RRP1: variants seen among roughly 807,000 people sequenced by gnomAD.
The protein encoded by RRP1 is ribosomal RNA processing 1.
In RRP1, 37 loss-of-function variants were observed where a neutral mutation model predicts 54.6. That is an observed-to-expected ratio of 0.68 (90% CI 0.52 to 0.89). The LOEUF is 0.89. Ranked by LOEUF, RRP1 falls within the 40% of genes least tolerant of loss-of-function variation. The pLI is 0.00. For missense variants in RRP1, 639 were observed against 612.5 expected, an observed-to-expected ratio of 1.04 and a Z score of -0.46; for synonymous variants, 262 against 244.3, an observed-to-expected ratio of 1.07 and a Z score of -0.67.
intron 2 of RRP1, 92 bp downstream of exon 2, chr21:43,791,524 C>T (rs76649170): frequency 1.8e-5 from 21 of 1,167,776 alleles, no homozygotes; most frequent in East Asian, 1.2e-4. Context: ...TTTTTTAAGT[C>T]GGAGTTTCGC....
chr21:43,797,941 T>A lies in RRP1; in HGVS notation c.652T>A (p.Phe218Ile). Reference sequence around the variant, plus strand: ...TTTGAACAACATCACTCGAGGCATCTTTGAGACGATTGTGGAGCAGGCCCC... The same window carrying A: ...TTTGAACAACATCACTCGAGGCATCATTGAGACGATTGTGGAGCAGGCCCC... ...LVLNNITRGI[F>I]ETIVEQAPLA... is the part of the protein sequence containing the mutation. The change falls in exon 8 of 13, where the codon TTT (phenylalanine) becomes ATT (isoleucine). Residue 218 changes from phenylalanine (F) to isoleucine (I), a missense_variant. By Grantham distance (21) the Phe-to-Ile change is conservative. Coordinates refer to ENST00000497547, the MANE Select transcript of RRP1 (RefSeq NM_003683.6). The A allele has an allele frequency of 1.9e-6, 3 of 1,614,180 alleles. No homozygotes were observed. The highest frequency in any genetic ancestry group is 2.5e-6 in the Non-Finnish European group (3 of 1,180,004).
intron 1 of RRP1, chr21:43,790,494 A>G (rs1227456208): frequency 1.9e-5 from 3 of 156,064 alleles, no homozygotes; most frequent in African/African-American, 7.2e-5. Flanking sequence ...TCTGCTCCCC[A>G]CACTCAGCCT....
At chr21:43,791,500 C>T in intron 2 of RRP1, 68 bp downstream of exon 2, 2 of 1,452,402 alleles carry the variant, frequency 1.4e-6, no homozygotes, top group Middle Eastern at 1.8e-4. Context: ...TCTGGTCAAC[C>T]CAGTTTTTCT....
chr21:43,797,024 C>T (rs550046660), intron 5 of RRP1, among the ~76,000 whole-genome samples: 11 of 152,304 alleles, frequency 7.2e-5, no homozygotes, highest in African/African-American at 2.4e-4. Flanking sequence ...GACGTGTCTT[C>T]CCCAGCGGTA....
chr21:43,795,899 T>G (rs914669907), intron 5 of RRP1, among the ~76,000 whole-genome samples: 1 of 152,176 alleles, frequency 6.6e-6, no homozygotes, highest in Non-Finnish European at 1.5e-5. Flanking sequence ...CCCAGCACTT[T>G]GGGAGGCCGA....
chr21:43,802,610 G>A (rs898425864), intron 12 of RRP1: 4 of 529,850 alleles, frequency 7.5e-6, no homozygotes, highest in African/African-American at 3.8e-5. Flanking sequence ...CAGCTCCCCC[G>A]AGCTGTGTGC....
chr21:43,800,468 C>T lies in RRP1; in HGVS notation c.892-49C>T, dbSNP rs369951491. ...TCAGGGGTTCCACGTTCTCGGAGCA[C>T]GCAGAGCGTGGCTGACCTTGCCTCT... On this transcript the variant is annotated intron_variant, in intron 9 of 12. Transcript: ENST00000497547. 104 of 1,578,190 alleles carry T rather than the reference C, an allele frequency of 6.6e-5. 1 individual carries two copies. The highest frequency in any genetic ancestry group is 3.6e-4 in the African/African-American group (27 of 74,200).
intron 12 of RRP1, 63 bp downstream of exon 12, chr21:43,802,450 A>G (rs1368945183): frequency 7.5e-7 from 1 of 1,341,586 alleles, no homozygotes. Flanking sequence ...TCTCCCCTGG[A>G]TGGGGGTCAC....
intron 4 of RRP1, 100 bp downstream of exon 4, chr21:43,793,504 C>A: frequency 2.1e-6 from 2 of 956,642 alleles, no homozygotes; most frequent in Non-Finnish European, 3.2e-6. Context: ...CAACCTGAGG[C>A]AGTGCGACCC....
At position 43,789,603 on chromosome 21, in the gene RRP1, G is replaced by C. The variant is rs775984281; in HGVS notation, c.-27G>C. 1 of 1,582,848 alleles carries C rather than the reference G, an allele frequency of 6.3e-7. No individual in the cohort carries two copies. The highest frequency in any genetic ancestry group is 1.1e-5 in the South Asian group (1 of 87,268). On this transcript the variant is annotated 5_prime_UTR_variant, in exon 1 of 13. Transcript: ENST00000497547. ...GTGTGCTGGGTACCAGGCGACTCCG[G>C]GACAGGGGGTCTCGGCCGTCGGCGT...
intron 9 of RRP1, among the ~76,000 whole-genome samples, chr21:43,800,145 TGG>T (rs200831669): frequency 0.052 from 7,891 of 152,348 alleles, 273 homozygotes; most frequent in South Asian, 0.15. Flanking sequence ...GAATAAAATG[TGG>T]CTATCTTGGG....
At chr21:43,792,617 T>C (rs1158687184) in intron 2 of RRP1, 55 bp from the exon 3 acceptor site, 2 of 1,573,518 alleles carry the variant, frequency 1.3e-6, no homozygotes, top group East Asian at 4.5e-5. Flanking sequence ...GTGTGTGTCA[T>C]TGTGAGAGCC....
rs1426483284 is a variant in RRP1, at chr21:43,797,619, C to T, written c.553-12C>T. 6.2e-7 allele frequency: 1 copy of T among 1,614,194 alleles called. No homozygotes were observed. Among genetic ancestry groups the T allele is most frequent in the South Asian group, 1.1e-5 (1 of 91,084 alleles). On this transcript the variant is annotated splice_polypyrimidine_tract_variant and intron_variant, in intron 6 of 12. Coordinates refer to ENST00000497547, the MANE Select transcript of RRP1 (RefSeq NM_003683.6). ...GGAGGAGGAACTGAGCTCCCGCTGG[C>T]TTTCCCCGTAGCTTACGGCAGACCA...
intron 8 of RRP1, 113 bp from the exon 9 acceptor site, chr21:43,799,457 C>T (rs965300006): frequency 2.1e-5 from 24 of 1,123,946 alleles, no homozygotes; most frequent in Admixed American, 8.2e-5. Context: ...GGGTGTTTCC[C>T]GCCTGTGCCC....
At chr21:43,795,162 T>C in intron 4 of RRP1, 27 bp from the exon 5 acceptor site, 2 of 1,610,270 alleles carry the variant, frequency 1.2e-6, no homozygotes, top group Non-Finnish European at 1.7e-6. Context: ...GGGCTTCTGC[T>C]AATGCCAACC....
chr21:43,792,841 A>G (rs1055341364), intron 3 of RRP1, 112 bp downstream of exon 3: 2 of 1,172,936 alleles, frequency 1.7e-6, no homozygotes, highest in South Asian at 1.3e-5. Context: ...AGGAATGCCT[A>G]AGGGCAAGAG....
rs78544145 is a variant in RRP1 at position 43,797,309 on chromosome 21, C to T, written c.423-113C>T. On this transcript the variant is annotated intron_variant, in intron 5 of 12. Coordinates refer to ENST00000497547, the MANE Select transcript of RRP1 (RefSeq NM_003683.6). The stretch of plus-strand genomic sequence containing the variant: ...AGGCTGGCATGTTTGCAGACAGTGG[C>T]GCCTGCCCGCACTTAGGTTCCCATC... The T allele has an allele frequency of 8.1e-4, 1,195 of 1,478,402 alleles. 15 individuals are homozygous for T. In the East Asian group the frequency reaches 0.023, roughly 29 times the overall value. The allele number at this position is 1,478,402 out of a possible 1,614,324, so 91.6% of individuals were successfully genotyped here. A position where few individuals can be genotyped will look rare whatever the true frequency, so the allele number is the denominator to read the frequency against.
In RRP1 at chr21:43,802,256, T is replaced by A. The variant is rs1314716545; in HGVS notation, c.1010-18T>A. On this transcript the variant is annotated intron_variant, in intron 11 of 12. Coordinates refer to ENST00000497547, the MANE Select transcript of RRP1 (RefSeq NM_003683.6). Reference sequence around the variant, plus strand: ...CCCCAGCCCCCGAGAGCCCCCTGACTTCTGCCCTGGTTCTCAGGCATTTTC... The same window carrying A: ...CCCCAGCCCCCGAGAGCCCCCTGACATCTGCCCTGGTTCTCAGGCATTTTC... The A allele has an allele frequency of 2.5e-6, 4 of 1,602,404 alleles. No individual in the cohort carries two copies. Among genetic ancestry groups the A allele is most frequent in the Middle Eastern group, 3.4e-4 (2 of 5,930 alleles).
chr21:43,797,847 G>T, intron 7 of RRP1, 60 bp from the exon 8 acceptor site: 1 of 1,579,566 alleles, frequency 6.3e-7, no homozygotes, highest in Non-Finnish European at 8.6e-7. Flanking sequence ...GGAGTCGGCG[G>T]CTTCCGCTTG....
Sources: allele counts gnomAD v4.1 joint callset (sites outside exome capture counted in the v4.1 genomes callset), GRCh38; gene constraint gnomAD v4.1.1; transcripts MANE v1.5; gene names NCBI Gene and HGNC (gene_info 2026-07-23, HGNC 2026-07-21).